TXNDC11: variants seen among roughly 807,000 people sequenced by gnomAD.
TXNDC11 encodes thioredoxin domain-containing protein 11.
A neutral mutation model predicts 78.0 loss-of-function variants in TXNDC11; 68 were observed. That is an observed-to-expected ratio of 0.87 (90% CI 0.72 to 1.07). The LOEUF (loss-of-function observed/expected upper bound fraction) is 1.07, where lower values mean the gene tolerates loss of function less well. Ranked by LOEUF, TXNDC11 falls within the 50% of genes least tolerant of loss-of-function variation. The pLI is 0.00. For synonymous variants in TXNDC11, 571 were observed against 495.2 expected (o/e 1.15, Z -2.03); for missense variants, 1,389 against 1,221.8 (o/e 1.14, Z -2.04).
Position 11,679,904 on chromosome 16 carries a change from G to A in TXNDC11, c.2235-67C>T. Reference sequence around the variant, plus strand: ...AACACAATGAGTCCAAAAGCAGGCTGTACCTGAGGCCAGGCCATCTACTTC... The same window carrying A: ...AACACAATGAGTCCAAAAGCAGGCTATACCTGAGGCCAGGCCATCTACTTC... On this transcript the variant is annotated intron_variant, in intron 11 of 11. Coordinates refer to ENST00000283033, the MANE Select transcript of TXNDC11 (RefSeq NM_015914.7). The surrounding 1 kb of genome is among the most constrained non-coding windows in gnomAD (Gnocchi z 4.6). The A allele has an allele frequency of 5.8e-6, 8 of 1,385,700 alleles. No homozygotes were observed. Among genetic ancestry groups the A allele is most frequent in the Non-Finnish European group, 8.0e-6 (8 of 1,002,956 alleles). 85.8% of individuals were successfully genotyped at this position (1,385,700 alleles called of 1,614,324 possible).
Position 11,700,516 on chromosome 16 carries a change from G to C in TXNDC11, c.842C>G (p.Ala281Gly). Reference protein sequence around the residue: ...RFGVITNKHLAKLVSLVHSGS... With the variant: ...RFGVITNKHLGKLVSLVHSGS... ...AGAGTGTACTAAGGATACCAGTTTC[G>C]CAAGATGTTTATTTGTGATAACCCC... is the stretch of plus-strand genomic sequence containing the variant. The change falls in exon 6 of 12, where the codon GCG becomes GGG. Residue 281 changes from alanine to glycine, a missense_variant. Ala to Gly is a moderately conservative substitution (Grantham distance 60). Coordinates refer to ENST00000283033, the MANE Select transcript of TXNDC11 (RefSeq NM_015914.7). 9 of 1,606,640 alleles carry C rather than the reference G, an allele frequency of 5.6e-6. No individual in the cohort carries two copies. Among genetic ancestry groups the C allele is most frequent in the Middle Eastern group, 1.7e-4 (1 of 6,042 alleles).
intron 4 of TXNDC11, among the ~76,000 whole-genome samples, chr16:11,723,483 G>A (rs796347154): frequency 1.4e-4 from 21 of 152,164 alleles, no homozygotes; most frequent in African/African-American, 4.8e-4. Flanking sequence ...TACTCAGGAG[G>A]CTGAGGCACA....
At chr16:11,697,494 A>G (rs974325282) in intron 7 of TXNDC11, among the ~76,000 whole-genome samples, 1 of 152,154 alleles carries the variant, frequency 6.6e-6, no homozygotes, top group Non-Finnish European at 1.5e-5. Context: ...GCTGTCTCTG[A>G]GCGCCTCCAA....
chr16:11,716,927 T>C (rs149546050), intron 5 of TXNDC11, among the ~76,000 whole-genome samples: 1 of 152,156 alleles, frequency 6.6e-6, no homozygotes, highest in East Asian at 1.9e-4. Context: ...ATATGTTCTG[T>C]AGTTAAAGCA....
intron 10 of TXNDC11, among the ~76,000 whole-genome samples, chr16:11,686,908 T>C (rs1396656506): frequency 6.6e-6 from 1 of 152,214 alleles, no homozygotes; most frequent in Non-Finnish European, 1.5e-5. Flanking sequence ...AGTTTCCTCC[T>C]CAACACAAAT....
chr16:11,737,366 AC>A (rs1389178265), intron 1 of TXNDC11, among the ~76,000 whole-genome samples: 1 of 151,598 alleles, frequency 6.6e-6, no homozygotes, highest in Non-Finnish European at 1.5e-5. Flanking sequence ...AATCGCTTGA[AC>A]CCGGGAGGCG....
intron 5 of TXNDC11, among the ~76,000 whole-genome samples, chr16:11,714,442 A>G (rs945989023): frequency 1.3e-5 from 2 of 152,170 alleles, no homozygotes; most frequent in African/African-American, 4.8e-5. Flanking sequence ...GATCAAGACG[A>G]TGCTGGCGAA....
chr16:11,741,750 C>G (rs1386621136), intron 1 of TXNDC11, among the ~76,000 whole-genome samples: 1 of 152,180 alleles, frequency 6.6e-6, no homozygotes, highest in Non-Finnish European at 1.5e-5. Flanking sequence ...ATCGTTAGAT[C>G]AGGCCGGGTG....
intron 4 of TXNDC11, among the ~76,000 whole-genome samples, chr16:11,722,778 T>A (rs941676698): frequency 6.6e-6 from 1 of 152,230 alleles, no homozygotes; most frequent in Admixed American, 6.5e-5. Flanking sequence ...AACTTGATCA[T>A]TGAAACAAAA....
At chr16:11,715,609 A>G (rs962171123) in intron 5 of TXNDC11, among the ~76,000 whole-genome samples, 16 of 152,186 alleles carry the variant, frequency 1.1e-4, no homozygotes, top group Non-Finnish European at 2.2e-4. Context: ...AATCTTTCTC[A>G]CGCGTCCTTT....
chr16:11,711,990 T>C (rs1334242000), intron 5 of TXNDC11, among the ~76,000 whole-genome samples: 1 of 151,990 alleles, frequency 6.6e-6, no homozygotes, highest in Non-Finnish European at 1.5e-5. Flanking sequence ...ACGGAGCTGT[T>C]TGACTGTAAG....
chr16:11,709,638 T>C (rs1453064461), intron 5 of TXNDC11, among the ~76,000 whole-genome samples: 1 of 151,566 alleles, frequency 6.6e-6, no homozygotes, highest in Non-Finnish European at 1.5e-5. Flanking sequence ...GGTTTCACCA[T>C]GTTAGCCAGG....
chr16:11,687,334 A>G (rs1046575024), intron 10 of TXNDC11, among the ~76,000 whole-genome samples: 9 of 151,980 alleles, frequency 5.9e-5, no homozygotes, highest in African/African-American at 2.2e-4. Flanking sequence ...TTACTACCCC[A>G]TCTAAAGACT....
intron 5 of TXNDC11, chr16:11,703,739 T>A (rs1476241854): frequency 1.4e-6 from 1 of 701,074 alleles, no homozygotes; most frequent in African/African-American, 1.8e-5. Context: ...GGAGAAGAGG[T>A]TGATTCCAGA....
chr16:11,725,813 G>A (rs1010356236), intron 4 of TXNDC11, among the ~76,000 whole-genome samples: 3 of 152,190 alleles, frequency 2.0e-5, no homozygotes, highest in Non-Finnish European at 4.4e-5. Flanking sequence ...ATGGCTTTCT[G>A]TGATGTTTAA....
intron 4 of TXNDC11, among the ~76,000 whole-genome samples, chr16:11,725,417 T>C (rs1440128718): frequency 1.3e-5 from 2 of 151,434 alleles, no homozygotes; most frequent in South Asian, 2.1e-4. Flanking sequence ...TGTTCTACCA[T>C]AAAAGAAAAA....
At chr16:11,720,955 T>C (rs1477510038) in intron 5 of TXNDC11, among the ~76,000 whole-genome samples, 1 of 150,684 alleles carries the variant, frequency 6.6e-6, no homozygotes, top group African/African-American at 2.4e-5. Context: ...TTGGCCAGGC[T>C]GGTCTCAAAC....
intron 5 of TXNDC11, among the ~76,000 whole-genome samples, chr16:11,713,114 A>G (rs930063444): frequency 4.4e-5 from 5 of 113,992 alleles, no homozygotes; most frequent in African/African-American, 2.2e-4. Flanking sequence ...TCTCAGGAAA[A>G]AAAAAAAAAA....
chr16:11,689,746 T>C (rs961016813), intron 8 of TXNDC11, among the ~76,000 whole-genome samples: 2 of 152,300 alleles, frequency 1.3e-5, no homozygotes, highest in East Asian at 3.9e-4. Flanking sequence ...CAAAAATACA[T>C]GCTTGTAGGA....
Sources: gnomAD v4.1 joint callset for allele counts (sites outside exome capture counted in the v4.1 genomes callset) on GRCh38, gnomAD v4.1.1 for gene constraint, Gnocchi (gnomAD v3.1) non-coding constraint, MANE v1.5 for transcripts, NCBI Gene and HGNC (gene_info 2026-07-23, HGNC 2026-07-21) for gene names.